The following EBF3 variants were observed in gnomAD, a reference collection of about 807,000 sequenced individuals.
The protein encoded by EBF3 is transcription factor COE3.
Under a neutral mutation model 77.1 loss-of-function variants are expected in EBF3, and 18 were observed. The ratio of observed to expected loss-of-function variants is 0.23; its 90% CI spans 0.16 to 0.35. The LOEUF (loss-of-function observed/expected upper bound fraction) is 0.35, where lower values mean the gene tolerates loss of function less well. EBF3 is among the 10% of genes least tolerant of loss of function. The pLI is 1.00. For missense variants in EBF3, 558 were observed against 860.0 expected (o/e 0.65, Z 4.39); for synonymous variants, 350 against 343.5 (o/e 1.02, Z -0.21).
chr10:129,876,218 C>A (rs1054576662), intron 7 of EBF3, among the ~76,000 whole-genome samples: 9 of 152,190 alleles, frequency 5.9e-5, no homozygotes, highest in African/African-American at 2.2e-4. Flanking sequence ...CACTGCCATC[C>A]TCCTAGGTCA....
At chr10:129,913,500 T>C (rs1855664140) in intron 6 of EBF3, among the ~76,000 whole-genome samples, 1 of 152,252 alleles carries the variant, frequency 6.6e-6, no homozygotes. Flanking sequence ...GCCTGAGCAG[T>C]ATGATGAATG....
chr10:129,924,751 C>T (rs943690349), intron 6 of EBF3, among the ~76,000 whole-genome samples: 9 of 152,228 alleles, frequency 5.9e-5, no homozygotes, highest in East Asian at 1.9e-4. Context: ...ACTGTAGCCT[C>T]GACTGCCTGG....
rs577920551 is a variant in EBF3 at position 129,852,477 on chromosome 10, C to T, written c.1040-3997G>A. The stretch of plus-strand genomic sequence containing the variant: ...CCTGCTGCAATTAGAGACGTACCGG[C>T]GGGCAGGAGGCACTGGGATTTTCTT... On this transcript the variant is annotated intron_variant, in intron 10 of 16. Transcript: ENST00000440978. 3.3e-5 allele frequency among the ~76,000 whole-genome samples: 5 copies of T among 152,266 alleles called. No homozygotes were observed. The East Asian group carries it at 5.8e-4, about 18-fold the overall frequency.
chr10:129,945,070 GGAGGGGAGGGGAA>G (rs1858077112), intron 6 of EBF3, among the ~76,000 whole-genome samples: 1 of 87,648 alleles, frequency 1.1e-5, no homozygotes, highest in African/African-American at 4.6e-5. Context: ...GGAGGGGAGG[GGAGGGGAGGGGAA>G]GAGAGGAGAA....
rs752382581 is a variant in EBF3 at position 129,897,202 on chromosome 10, C to A, written c.555-19353G>T. On this transcript the variant is annotated intron_variant, in intron 6 of 16. Coordinates refer to ENST00000440978, the MANE Select transcript of EBF3 (RefSeq NM_001375380.1). The surrounding 1 kb of genome is among the most constrained non-coding windows in gnomAD (Gnocchi z 4.6). The stretch of plus-strand genomic sequence containing the variant: ...ACTCGCGGTGTACACGGGCCCTCCA[C>A]GCAGCCAGGAAGGGGTTCTGCTCTT... Among the ~76,000 whole-genome samples the A allele has an allele frequency of 6.6e-6, 1 of 152,186 alleles. No homozygotes were observed. Among genetic ancestry groups the A allele is most frequent in the Admixed American group, 6.5e-5 (1 of 15,288 alleles).
At chr10:129,948,054 C>T (rs1366266854) in intron 6 of EBF3, among the ~76,000 whole-genome samples, 3 of 151,882 alleles carry the variant, frequency 2.0e-5, no homozygotes, top group Non-Finnish European at 2.9e-5. Flanking sequence ...GTCAGGAGTT[C>T]GAGACCAGCC....
intron 6 of EBF3, among the ~76,000 whole-genome samples, chr10:129,887,813 G>A (rs1443050149): frequency 1.3e-5 from 2 of 152,014 alleles, no homozygotes; most frequent in African/African-American, 2.4e-5. Flanking sequence ...GAAGAGAGGC[G>A]CCGCGGCCCT....
chr10:129,910,669 C>T (rs1855467574), intron 6 of EBF3, among the ~76,000 whole-genome samples: 1 of 152,140 alleles, frequency 6.6e-6, no homozygotes, highest in African/African-American at 2.4e-5. Flanking sequence ...TTCTTTTCCC[C>T]ATCACCTCCC....
At chr10:129,899,881 T>C (rs1854662543) in intron 6 of EBF3, among the ~76,000 whole-genome samples, 1 of 152,180 alleles carries the variant, frequency 6.6e-6, no homozygotes, top group Non-Finnish European at 1.5e-5. Flanking sequence ...TCCAAGATAG[T>C]GGAATAAGGT....
chr10:129,958,548 CT>C (rs1313753828), intron 5 of EBF3, among the ~76,000 whole-genome samples: 1 of 152,146 alleles, frequency 6.6e-6, no homozygotes, highest in Non-Finnish European at 1.5e-5. Context: ...AAAGAGTTTC[CT>C]TTTTATCAAT....
At chr10:129,898,766 G>A (rs1263551038) in intron 6 of EBF3, among the ~76,000 whole-genome samples, 1 of 152,162 alleles carries the variant, frequency 6.6e-6, no homozygotes, top group African/African-American at 2.4e-5. Flanking sequence ...TTGCACATCT[G>A]CCAAGCTGGT....
rs1589898877 is a variant in EBF3, at chr10:129,935,080, A to T, written c.554+22178T>A. On this transcript the variant is annotated intron_variant, in intron 6 of 16. Transcript: ENST00000440978. The surrounding 1 kb of genome is among the most constrained non-coding windows in gnomAD (Gnocchi z 4.2). Reference sequence around the variant, plus strand: ...TCTCATGGGATGTACTCATCCTAACACATTAGCTGTAGCTGGTGGTCCGGT... The same window carrying T: ...TCTCATGGGATGTACTCATCCTAACTCATTAGCTGTAGCTGGTGGTCCGGT... Among the ~76,000 whole-genome samples, 1 of 152,310 alleles carries T rather than the reference A, an allele frequency of 6.6e-6. No homozygotes were observed. Among genetic ancestry groups the T allele is most frequent in the Middle Eastern group, 3.4e-3 (1 of 294 alleles).
rs192138003 is a variant in EBF3 at position 129,867,988 on chromosome 10, G to A, written c.782-76C>T. The A allele has an allele frequency of 7.4e-5, 116 of 1,566,094 alleles. No individual in the cohort carries two copies. The East Asian group carries it at 7.7e-4, about 10-fold the overall frequency. On this transcript the variant is annotated intron_variant, in intron 8 of 16. Transcript: ENST00000440978. ...ACGCTGGGCCGCTCGGCCACCGCGCGTCCCGCGGCCACCGCGGGAGGAGAG... is the reference window on the plus strand; with the variant it reads ...ACGCTGGGCCGCTCGGCCACCGCGCATCCCGCGGCCACCGCGGGAGGAGAG...
At chr10:129,928,586 T>C (rs1457012838) in intron 6 of EBF3, among the ~76,000 whole-genome samples, 1 of 152,346 alleles carries the variant, frequency 6.6e-6, no homozygotes, top group African/African-American at 2.4e-5. Context: ...ATAAATTATC[T>C]GCATTTCTAG....
At chr10:129,934,456 C>T (rs564916623) in intron 6 of EBF3, among the ~76,000 whole-genome samples, 54 of 152,308 alleles carry the variant, frequency 3.5e-4, no homozygotes, top group African/African-American at 1.2e-3. Flanking sequence ...GGCACCTCGC[C>T]GCACACAGGG....
chr10:129,947,163 C>T lies in EBF3; in HGVS notation c.554+10095G>A, dbSNP rs1239506904. ...ATGGACAGGGAGCTCCCTTTGGCAG[C>T]ATTTCCAATAACCAAATATCAAGGA... On this transcript the variant is annotated intron_variant, in intron 6 of 16. Transcript: ENST00000440978. This position sits in a 1 kb window ranked among gnomAD's most constrained non-coding sequence, Gnocchi z 4.5. Among the ~76,000 whole-genome samples the T allele has an allele frequency of 1.3e-5, 2 of 152,356 alleles. No individual in the cohort carries two copies. Among genetic ancestry groups the T allele is most frequent in the African/African-American group, 2.4e-5 (1 of 41,586 alleles).
At position 129,840,887 on chromosome 10, in the gene EBF3, C is replaced by T. The variant is rs372476626; in HGVS notation, c.1518G>A (p.Ser506=). ...CGGAGGAGCCATTAAGAAATCCAGG[C>T]GAGCCAGGGACCCCTAGACTGGCCA... ...GAMASLGVPG[S]PGFLNGSSAN... The change falls in exon 14 of 17, where the codon TCG becomes TCA. Residue 506 remains serine (S), a synonymous_variant. Coordinates refer to ENST00000440978, the MANE Select transcript of EBF3 (RefSeq NM_001375380.1). The T allele has an allele frequency of 7.4e-5, 120 of 1,613,888 alleles. No individual in the cohort carries two copies. Among genetic ancestry groups the T allele is most frequent in the Middle Eastern group, 3.3e-4 (2 of 6,062 alleles).
At chr10:129,896,529 C>T (rs1854395096) in intron 6 of EBF3, among the ~76,000 whole-genome samples, 1 of 152,156 alleles carries the variant, frequency 6.6e-6, no homozygotes, top group East Asian at 1.9e-4. Flanking sequence ...TGTGGGGGTG[C>T]GACAGGCCCT....
At position 129,840,989 on chromosome 10, in the gene EBF3, G is replaced by A; in HGVS notation, c.1416C>T (p.Tyr472=). The change falls in exon 14 of 17, where the codon TAC becomes TAT. Residue 472 remains tyrosine, a synonymous_variant. Coordinates refer to ENST00000440978, the MANE Select transcript of EBF3 (RefSeq NM_001375380.1). ...RNTSSVSPRG[Y]VPSSTPQQSN... ...ACTGCTGGGGAGTACTGCTGGGGAC[G>A]TAGCCTCGCGGGGACACGCTGCTTG... The A allele has an allele frequency of 6.2e-7, 1 of 1,611,794 alleles. No homozygotes were observed. The highest frequency in any genetic ancestry group is 8.5e-7 in the Non-Finnish European group (1 of 1,179,386).
Sources: gnomAD v4.1 joint callset for allele counts (sites outside exome capture counted in the v4.1 genomes callset) on GRCh38, gnomAD v4.1.1 for gene constraint, Gnocchi (gnomAD v3.1) non-coding constraint, MANE v1.5 for transcripts, NCBI Gene and HGNC (gene_info 2026-07-23, HGNC 2026-07-21) for gene names.